The following CNTNAP2 variants were observed in gnomAD, a reference collection of about 807,000 sequenced individuals.
CNTNAP2 encodes the protein contactin-associated protein-like 2.
In CNTNAP2, 98 loss-of-function variants were observed where a neutral mutation model predicts 155.2. The observed-to-expected ratio is 0.63, with a 90% CI of 0.54 to 0.75. The LOEUF (loss-of-function observed/expected upper bound fraction) is 0.75. CNTNAP2 is among the 30% of genes least tolerant of loss of function. The pLI, the probability that CNTNAP2 is intolerant of heterozygous loss-of-function variation, is 0.00. For missense variants in CNTNAP2, 1,727 were observed against 1,688.1 expected (o/e 1.02, Z -0.40); for synonymous variants, 651 against 631.2 (o/e 1.03, Z -0.47).
At chr7:146,641,060 C>A (rs1018107834) in intron 1 of CNTNAP2, among the ~76,000 whole-genome samples, 3 of 152,204 alleles carry the variant, frequency 2.0e-5, no homozygotes, top group African/African-American at 4.8e-5. Context: ...GGCACGGTGG[C>A]TCGTGCCTAT....
chr7:147,698,124 T>A (rs183373553), intron 13 of CNTNAP2, among the ~76,000 whole-genome samples: 1 of 152,330 alleles, frequency 6.6e-6, no homozygotes, highest in Admixed American at 6.5e-5. Flanking sequence ...TCTCCAATGT[T>A]GCCCTGTGGT....
At chr7:146,734,958 A>G (rs917425303) in intron 1 of CNTNAP2, among the ~76,000 whole-genome samples, 3 of 152,220 alleles carry the variant, frequency 2.0e-5, no homozygotes, top group African/African-American at 7.2e-5. Flanking sequence ...GCGTGTATAT[A>G]TTAAACACAG....
chr7:147,299,269 A>C (rs1196183353), intron 8 of CNTNAP2, among the ~76,000 whole-genome samples: 1 of 152,144 alleles, frequency 6.6e-6, no homozygotes, highest in East Asian at 1.9e-4. Context: ...TTTGCTTTTT[A>C]ATTTTCTGAC....
intron 1 of CNTNAP2, among the ~76,000 whole-genome samples, chr7:146,713,289 A>G (rs1801130553): frequency 6.6e-6 from 1 of 152,166 alleles, no homozygotes; most frequent in South Asian, 2.1e-4. Flanking sequence ...TGGAAGCCAA[A>G]CAATCACTGC....
At chr7:147,284,446 A>T (rs893432447) in intron 8 of CNTNAP2, among the ~76,000 whole-genome samples, 3 of 151,890 alleles carry the variant, frequency 2.0e-5, no homozygotes, top group Non-Finnish European at 4.4e-5. Flanking sequence ...AATATCACAT[A>T]TGTGTGCATA....
chr7:146,852,227 G>A (rs771509530), intron 3 of CNTNAP2, among the ~76,000 whole-genome samples: 12 of 152,220 alleles, frequency 7.9e-5, no homozygotes, highest in South Asian at 6.2e-4. Flanking sequence ...ATTTGCTATT[G>A]CTAGGGTGTT....
intron 3 of CNTNAP2, among the ~76,000 whole-genome samples, chr7:147,004,546 G>A (rs1798489984): frequency 6.6e-6 from 1 of 152,038 alleles, no homozygotes; most frequent in African/African-American, 2.4e-5. Context: ...TTACTGGCAA[G>A]TGGGGAAGAG....
intron 12 of CNTNAP2, among the ~76,000 whole-genome samples, chr7:147,630,316 T>TAAAAAAA (rs71183024): frequency 1.4e-5 from 1 of 73,078 alleles, no homozygotes; most frequent in African/African-American, 4.2e-5. Flanking sequence ...GAAACAGTAG[T>TAAAAAAA]AAAAAAAAAA....
intron 1 of CNTNAP2, among the ~76,000 whole-genome samples, chr7:146,494,346 AAT>A (rs1358769830): frequency 6.6e-6 from 1 of 151,588 alleles, no homozygotes; most frequent in Non-Finnish European, 1.5e-5. Flanking sequence ...AAAAAAAATA[AAT>A]AAATAAAAAT....
chr7:146,678,173 A>T (rs771491855), intron 1 of CNTNAP2, among the ~76,000 whole-genome samples: 2 of 151,942 alleles, frequency 1.3e-5, no homozygotes, highest in Non-Finnish European at 2.9e-5. Context: ...GGTTCAAGCA[A>T]TTCTCCTGCC....
chr7:147,801,775 T>TCCCC (rs1380983105), intron 13 of CNTNAP2, among the ~76,000 whole-genome samples: 1 of 151,740 alleles, frequency 6.6e-6, no homozygotes, highest in Non-Finnish European at 1.5e-5. Flanking sequence ...TCCCCACCCT[T>TCCCC]CCCCCCTTTC....
intron 21 of CNTNAP2, among the ~76,000 whole-genome samples, chr7:148,382,939 G>A (rs1799099344): frequency 2.0e-5 from 3 of 152,190 alleles, no homozygotes; most frequent in African/African-American, 7.2e-5. Context: ...TTGTTACCTT[G>A]GAAATGCCTC....
At chr7:147,167,480 A>G in intron 8 of CNTNAP2, 2 of 1,002,320 alleles carry the variant, frequency 2.0e-6, no homozygotes, top group South Asian at 1.4e-5. Context: ...CCCCTGCCCC[A>G]CTGGAGGTTG....
At chr7:147,620,789 A>G (rs1165266670) in intron 12 of CNTNAP2, among the ~76,000 whole-genome samples, 3 of 152,114 alleles carry the variant, frequency 2.0e-5, no homozygotes, top group Non-Finnish European at 4.4e-5. Context: ...TATTGGCCAT[A>G]AAGAGGAGGT....
intron 22 of CNTNAP2, among the ~76,000 whole-genome samples, chr7:148,387,909 C>T (rs1401640340): frequency 6.6e-6 from 1 of 151,940 alleles, no homozygotes; most frequent in Non-Finnish European, 1.5e-5. Flanking sequence ...ACCATCAAAA[C>T]CAAGATGGCA....
intron 11 of CNTNAP2, among the ~76,000 whole-genome samples, chr7:147,486,427 A>T (rs1798512757): frequency 6.6e-6 from 1 of 152,140 alleles, no homozygotes; most frequent in African/African-American, 2.4e-5. Flanking sequence ...CGAGAGGGAG[A>T]CACAGGGTAA....
At chr7:147,324,023 A>G (rs1481381120) in intron 9 of CNTNAP2, among the ~76,000 whole-genome samples, 2 of 141,706 alleles carry the variant, frequency 1.4e-5, no homozygotes, top group East Asian at 2.2e-4. Context: ...TAGTTTCCGT[A>G]TGGCAGAACT....
At chr7:147,572,701 A>AACATAC (rs968328655) in intron 12 of CNTNAP2, among the ~76,000 whole-genome samples, 2 of 148,984 alleles carry the variant, frequency 1.3e-5, no homozygotes, top group African/African-American at 4.9e-5. Flanking sequence ...CAGGATGGGA[A>AACATAC]ACACACACAC....
intron 3 of CNTNAP2, among the ~76,000 whole-genome samples, chr7:146,939,850 T>G (rs370636691): frequency 6.6e-6 from 1 of 152,154 alleles, no homozygotes; most frequent in Non-Finnish European, 1.5e-5. Flanking sequence ...GTTAAATTTT[T>G]CAATATTTGT....
Sources: allele counts gnomAD v4.1 joint callset (sites outside exome capture counted in the v4.1 genomes callset), GRCh38; gene constraint gnomAD v4.1.1; transcripts MANE v1.5; gene names NCBI Gene and HGNC (gene_info 2026-07-23, HGNC 2026-07-21).